The following ATP6V1H variants were observed in gnomAD, a reference collection of about 807,000 sequenced individuals.
The protein encoded by ATP6V1H is V-type proton ATPase subunit H.
ATP6V1H carries 39 observed loss-of-function variants against 71.7 expected under a neutral mutation model. The ratio of observed to expected loss-of-function variants is 0.54; its 90% CI spans 0.42 to 0.71. The LOEUF (loss-of-function observed/expected upper bound fraction) is 0.71, where lower values mean the gene tolerates loss of function less well. Among genes scored for constraint, ATP6V1H ranks in the 30% least tolerant of loss-of-function variants. ATP6V1H has a pLI of 0.00. For synonymous variants in ATP6V1H, 192 were observed against 199.3 expected (o/e 0.96, Z 0.31); for missense variants, 509 against 594.9 (o/e 0.86, Z 1.50).
intron 9 of ATP6V1H, among the ~76,000 whole-genome samples, chr8:53,788,950 C>T (rs1051913972): frequency 2.6e-5 from 4 of 152,208 alleles, no homozygotes; most frequent in African/African-American, 7.2e-5. Context: ...CATCAAGTTA[C>T]GCTATCAAAA....
intron 12 of ATP6V1H, among the ~76,000 whole-genome samples, chr8:53,751,337 A>AGCTATGTGCAGCAGAGTTACG (rs1279889177): frequency 6.6e-6 from 1 of 152,248 alleles, no homozygotes; most frequent in Non-Finnish European, 1.5e-5. Flanking sequence ...ACAAAGGACT[A>AGCTATGTGCAGCAGAGTTACG]GCTATGTGCA....
intron 2 of ATP6V1H, 25 bp downstream of exon 2, chr8:53,841,553 T>C: frequency 6.2e-7 from 1 of 1,612,498 alleles, no homozygotes; most frequent in Non-Finnish European, 8.5e-7. Flanking sequence ...TGACTGTCCA[T>C]GATTCACAGC....
At chr8:53,765,322 C>T (rs1194439116) in intron 11 of ATP6V1H, among the ~76,000 whole-genome samples, 1 of 151,306 alleles carries the variant, frequency 6.6e-6, no homozygotes, top group African/African-American at 2.4e-5. Flanking sequence ...GAATCTTGCA[C>T]CCGGGAGGCG....
intron 11 of ATP6V1H, among the ~76,000 whole-genome samples, chr8:53,765,521 CA>C (rs1175934434): frequency 6.3e-5 from 7 of 111,964 alleles, no homozygotes; most frequent in African/African-American, 2.0e-4. Context: ...GCATTAGCAC[CA>C]AAAAAAAAGA....
intron 9 of ATP6V1H, among the ~76,000 whole-genome samples, chr8:53,782,485 A>C (rs1368023176): frequency 6.6e-6 from 1 of 151,924 alleles, no homozygotes; most frequent in Non-Finnish European, 1.5e-5. Flanking sequence ...TGTCATCTGC[A>C]AACAGGGACA....
chr8:53,733,736 AC>A (rs1242682963), intron 13 of ATP6V1H, among the ~76,000 whole-genome samples: 1 of 152,142 alleles, frequency 6.6e-6, no homozygotes, highest in Non-Finnish European at 1.5e-5. Context: ...TACTGGCCAA[AC>A]CTCTGTACCA....
Position 53,793,695 on chromosome 8 carries a change from T to C in ATP6V1H, c.870+1952A>G, listed in dbSNP as rs557847037. On this transcript the variant is annotated intron_variant, in intron 9 of 13. Coordinates refer to ENST00000359530, the MANE Select transcript of ATP6V1H (RefSeq NM_015941.4). ...GGCTCATGCCTGTAATCTCAGCACT[T>C]TGGGAGGCCGAGGCAGGTGGATCAC... 4.6e-5 allele frequency among the ~76,000 whole-genome samples: 7 copies of C among 151,836 alleles called. No individual in the cohort carries two copies. In the South Asian group the frequency reaches 1.2e-3, roughly 27 times the overall value.
intron 13 of ATP6V1H, 97 bp downstream of exon 13, chr8:53,743,480 A>T: frequency 1.2e-6 from 1 of 839,864 alleles, no homozygotes; most frequent in Non-Finnish European, 1.9e-6. Flanking sequence ...ACTAATTTTA[A>T]AAATGATCAT....
At chr8:53,789,106 A>C (rs765075470) in intron 9 of ATP6V1H, among the ~76,000 whole-genome samples, 1 of 152,236 alleles carries the variant, frequency 6.6e-6, no homozygotes, top group Non-Finnish European at 1.5e-5. Flanking sequence ...TAAATACAAG[A>C]GGAAGAATGG....
At chr8:53,792,103 T>C (rs969312926) in intron 9 of ATP6V1H, among the ~76,000 whole-genome samples, 4 of 152,204 alleles carry the variant, frequency 2.6e-5, no homozygotes, top group Non-Finnish European at 4.4e-5. Flanking sequence ...ACTTAAGAAC[T>C]GATTATTATT....
chr8:53,756,730 G>T, intron 11 of ATP6V1H, 74 bp from the exon 12 acceptor site: 1 of 868,982 alleles, frequency 1.2e-6, no homozygotes, highest in East Asian at 2.6e-5. Context: ...CAGGTATAAT[G>T]AAGATATCTT....
intron 13 of ATP6V1H, among the ~76,000 whole-genome samples, chr8:53,724,361 C>T (rs1390883027): frequency 1.3e-5 from 2 of 152,108 alleles, no homozygotes; most frequent in Non-Finnish European, 2.9e-5. Context: ...GAAGAGATTG[C>T]TAATGTTCCC....
chr8:53,746,051 G>A (rs184207056), intron 12 of ATP6V1H, among the ~76,000 whole-genome samples: 20 of 152,266 alleles, frequency 1.3e-4, no homozygotes, highest in Admixed American at 1.3e-4. Flanking sequence ...AAAACATACA[G>A]CTCACACACC....
intron 4 of ATP6V1H, among the ~76,000 whole-genome samples, chr8:53,828,076 G>A (rs977840388): frequency 6.6e-6 from 1 of 151,572 alleles, no homozygotes; most frequent in Non-Finnish European, 1.5e-5. Context: ...ACAAACACGT[G>A]TGTGTGGTCT....
At chr8:53,741,740 G>A (rs1807419989) in intron 13 of ATP6V1H, among the ~76,000 whole-genome samples, 1 of 152,124 alleles carries the variant, frequency 6.6e-6, no homozygotes, top group African/African-American at 2.4e-5. Context: ...AACCATTCTG[G>A]GGTTTTCACC....
At chr8:53,801,726 A>T in intron 8 of ATP6V1H, 73 bp downstream of exon 8, 1 of 1,194,926 alleles carries the variant, frequency 8.4e-7, no homozygotes, top group Non-Finnish European at 1.2e-6. Context: ...TTAGATGATT[A>T]CATATTTCTT....
intron 7 of ATP6V1H, among the ~76,000 whole-genome samples, chr8:53,805,646 C>T (rs1810056127): frequency 6.6e-6 from 1 of 152,122 alleles, no homozygotes; most frequent in Non-Finnish European, 1.5e-5. Context: ...CAATTCTATT[C>T]TAAAATTAGG....
intron 13 of ATP6V1H, among the ~76,000 whole-genome samples, chr8:53,725,298 T>A (rs1806774244): frequency 6.6e-6 from 1 of 152,116 alleles, no homozygotes; most frequent in Non-Finnish European, 1.5e-5. Context: ...GTGACGCCTG[T>A]GCCACCGTGG....
chr8:53,716,806 G>A (rs1386474058), intron 13 of ATP6V1H, among the ~76,000 whole-genome samples: 2 of 152,222 alleles, frequency 1.3e-5, no homozygotes, highest in East Asian at 3.9e-4. Flanking sequence ...TTCCAGGACA[G>A]AAAACAATCT....
Sources: gnomAD v4.1 joint callset for allele counts (sites outside exome capture counted in the v4.1 genomes callset) on GRCh38, gnomAD v4.1.1 for gene constraint, MANE v1.5 for transcripts, NCBI Gene and HGNC (gene_info 2026-07-23, HGNC 2026-07-21) for gene names.